SAP130: variants seen among roughly 807,000 people sequenced by gnomAD.
The protein encoded by SAP130 is Sin3A associated protein 130, also known as histone deacetylase complex subunit SAP130.
SAP130 carries 16 observed loss-of-function variants against 103.2 expected under a neutral mutation model. The ratio of observed to expected loss-of-function variants is 0.16; its 90% CI spans 0.10 to 0.24. SAP130 has a LOEUF of 0.24. Ranked by LOEUF, SAP130 falls within the 10% of genes least tolerant of loss-of-function variation. The pLI, the probability that SAP130 is intolerant of heterozygous loss-of-function variation, is 1.00. For synonymous variants in SAP130, 477 were observed against 497.0 expected (o/e 0.96, Z 0.53); for missense variants, 990 against 1,359.7 (o/e 0.73, Z 4.28).
intron 14 of SAP130, among the ~76,000 whole-genome samples, chr2:127,981,882 A>C (rs1681962724): frequency 6.6e-6 from 1 of 151,806 alleles, no homozygotes; most frequent in Admixed American, 6.6e-5. Flanking sequence ...CTGGCCCTAC[A>C]AAACCCTGCT....
intron 7 of SAP130, among the ~76,000 whole-genome samples, chr2:128,003,705 G>C (rs1050143191): frequency 6.8e-6 from 1 of 146,654 alleles, no homozygotes; most frequent in African/African-American, 2.6e-5. Flanking sequence ...AGGTCATTCA[G>C]AAAGTGCTCC....
Position 127,977,995 on chromosome 2 carries a change from T to C in SAP130, c.2053A>G (p.Arg685Gly). ...SSMRSTSGSP[R>G]PAGAKPKSEI... ...CACTTAGGTGCTCACCCTGCAGGCC[T>C]AGGTGACCCAGACGTACTCCGCATA... The change falls in exon 15 of 21, where the codon AGG becomes GGG. Residue 685 changes from arginine (R) to glycine (G), a missense_variant. By Grantham distance (125) the Arg-to-Gly change is moderately radical. Transcript: ENST00000643581. 1 of 1,550,698 alleles carries C rather than the reference T, an allele frequency of 6.4e-7. No homozygotes were observed. Among genetic ancestry groups the C allele is most frequent in the Non-Finnish European group, 8.7e-7 (1 of 1,145,792 alleles).
chr2:128,010,420 T>A, intron 6 of SAP130, 27 bp from the exon 7 acceptor site: 2 of 1,591,434 alleles, frequency 1.3e-6, no homozygotes, highest in Non-Finnish European at 1.7e-6. Context: ...AACAGTTCAT[T>A]TAAAACAAAA....
chr2:127,944,751 C>T (rs1013415801), intron 19 of SAP130, among the ~76,000 whole-genome samples: 3 of 151,926 alleles, frequency 2.0e-5, no homozygotes, highest in African/African-American at 7.3e-5. Context: ...AAAAAATCAG[C>T]TGTGTGCAGT....
In SAP130 at chr2:127,993,298, G is replaced by A; in HGVS notation, c.1366C>T (p.Pro456Ser). The A allele has an allele frequency of 6.2e-7, 1 of 1,612,482 alleles. No individual in the cohort carries two copies. The highest frequency in any genetic ancestry group is 8.5e-7 in the Non-Finnish European group (1 of 1,179,580). ...ETRSDNRPSV[P>S]VQFQYFLPTY... ...GGCAAAAAATATTGGAACTGAACGGGAACAGACGGTCTAGAGACAGAACAG... is the reference window on the plus strand; with the variant it reads ...GGCAAAAAATATTGGAACTGAACGGAAACAGACGGTCTAGAGACAGAACAG... The change falls in exon 12 of 21, where the codon CCC (proline) becomes TCC (serine). Residue 456 changes from proline (P) to serine (S), a missense_variant. This residue lies in a region of SAP130 where 336 missense variants were observed against 520.1 expected (regional missense o/e 0.65). Coordinates refer to ENST00000643581, the MANE Select transcript of SAP130 (RefSeq NM_001330301.2).
rs74720344 is a variant in SAP130 at position 127,947,880 on chromosome 2, C to T, written c.2797+1989G>A. Among the ~76,000 whole-genome samples the T allele has an allele frequency of 6.0e-3, 908 of 152,026 alleles. 19 individuals carry two copies. The highest frequency in any genetic ancestry group is 0.019 in the African/African-American group (786 of 41,454). On this transcript the variant is annotated intron_variant, in intron 18 of 20. Transcript: ENST00000643581. ...CGGCTTACTGCAAACCTCCACTTCCCGGGGATTCATGCAATTCTCCTGCCT... is the reference window on the plus strand; with the variant it reads ...CGGCTTACTGCAAACCTCCACTTCCTGGGGATTCATGCAATTCTCCTGCCT...
At position 128,010,367 on chromosome 2, in the gene SAP130, A is replaced by G. The variant is rs542738248; in HGVS notation, c.771T>C (p.Asn257=). 27 of 1,613,992 alleles carry G rather than the reference A, an allele frequency of 1.7e-5. No homozygotes were observed. The East Asian group carries it at 5.3e-4, about 32-fold the overall frequency. Residue 257 remains asparagine (N), a synonymous_variant, in exon 7 of 21, where the codon AAT becomes AAC. Transcript: ENST00000643581. ...IQSRPPVTTS[N]AIPPAVVATV... is the part of the protein sequence containing the mutation. Reference sequence around the variant, plus strand: ...TTGCTACCACAGCAGGAGGGATGGCATTGGAGGTGGTCACAGGTGGCCGAG... The same window carrying G: ...TTGCTACCACAGCAGGAGGGATGGCGTTGGAGGTGGTCACAGGTGGCCGAG...
intron 10 of SAP130, among the ~76,000 whole-genome samples, chr2:127,997,281 T>C (rs1683240907): frequency 6.6e-6 from 1 of 152,258 alleles, no homozygotes; most frequent in Non-Finnish European, 1.5e-5. Flanking sequence ...CTATTTTTTA[T>C]AGATCTATCT....
intron 7 of SAP130, among the ~76,000 whole-genome samples, chr2:128,000,688 T>C (rs1431295930): frequency 6.6e-6 from 1 of 152,166 alleles, no homozygotes; most frequent in Non-Finnish European, 1.5e-5. Context: ...TCAGAATCCT[T>C]GATGTAGTTA....
rs898852392 is a variant in SAP130 at position 127,989,354 on chromosome 2, C to T, written c.1780+210G>A. Among the ~76,000 whole-genome samples the T allele has an allele frequency of 2.0e-5, 3 of 152,052 alleles. No homozygotes were observed. The highest frequency in any genetic ancestry group is 7.2e-5 in the African/African-American group (3 of 41,390). On this transcript the variant is annotated intron_variant, in intron 13 of 20. Coordinates refer to ENST00000643581, the MANE Select transcript of SAP130 (RefSeq NM_001330301.2). This position sits in a 1 kb window ranked among gnomAD's most constrained non-coding sequence, Gnocchi z 4.6. ...CCTCGTGATCCACCCGCCTCAGCCT[C>T]CCAAAGTGCTGGGATTACAGTGAGG... is the stretch of plus-strand genomic sequence containing the variant.
At chr2:127,972,031 C>T (rs1267118220) in intron 15 of SAP130, among the ~76,000 whole-genome samples, 2 of 152,190 alleles carry the variant, frequency 1.3e-5, no homozygotes, top group Non-Finnish European at 1.5e-5. Context: ...GGGGTTTATT[C>T]TTCCAGCTAG....
intron 15 of SAP130, among the ~76,000 whole-genome samples, chr2:127,971,473 G>T (rs1414260424): frequency 6.6e-6 from 1 of 152,058 alleles, no homozygotes; most frequent in Non-Finnish European, 1.5e-5. Flanking sequence ...GTTTTTAGTA[G>T]AGACGGGGTT....
Position 127,955,565 on chromosome 2 carries a change from C to T in SAP130, c.2064-221G>A, listed in dbSNP as rs1481923017. ...GAAGTGGCGTGATCTTGGCTCACCG[C>T]AACCTCTGTCTTCTGGGCTCGAGGG... On this transcript the variant is annotated intron_variant, in intron 15 of 20. Coordinates refer to ENST00000643581, the MANE Select transcript of SAP130 (RefSeq NM_001330301.2). The surrounding 1 kb of genome is among the most constrained non-coding windows in gnomAD (Gnocchi z 4.9). Among the ~76,000 whole-genome samples, 2 of 152,188 alleles carry T rather than the reference C, an allele frequency of 1.3e-5. No homozygotes were observed. Among genetic ancestry groups the T allele is most frequent in the Non-Finnish European group, 2.9e-5 (2 of 68,034 alleles).
In SAP130 at chr2:127,978,076, T is replaced by C; in HGVS notation, c.1972A>G (p.Lys658Glu). 6.4e-7 allele frequency: 1 copy of C among 1,551,610 alleles called. No individual in the cohort carries two copies. Among genetic ancestry groups the C allele is most frequent in the Non-Finnish European group, 8.7e-7 (1 of 1,146,926 alleles). ...GGAGGCTGAGGAGGAATGAGGGTTT[T>C]CCGAACTGCCATTCTGAAAGAGACA... The part of the protein sequence containing the change: ...KPATDGMAVR[K>E]TLIPPQPPDV... The change falls in exon 15 of 21, where the codon AAA becomes GAA. Residue 658 changes from lysine (K) to glutamate (E), a missense_variant. Lys to Glu is a moderately conservative substitution (Grantham distance 56). Coordinates refer to ENST00000643581, the MANE Select transcript of SAP130 (RefSeq NM_001330301.2).
At chr2:127,995,204 A>G (rs1312001045) in intron 11 of SAP130, among the ~76,000 whole-genome samples, 1 of 152,252 alleles carries the variant, frequency 6.6e-6, no homozygotes, top group African/African-American at 2.4e-5. Flanking sequence ...ATGACAACCC[A>G]TAGCAACAAG....
chr2:127,987,747 A>G (rs1559071675), intron 13 of SAP130, among the ~76,000 whole-genome samples: 1 of 152,160 alleles, frequency 6.6e-6, no homozygotes, highest in Non-Finnish European at 1.5e-5. Context: ...CAAGAAATGT[A>G]CTCATTCAGT....
chr2:127,984,195 C>T (rs919958192), intron 14 of SAP130, among the ~76,000 whole-genome samples: 2 of 151,966 alleles, frequency 1.3e-5, no homozygotes, highest in Non-Finnish European at 2.9e-5. Flanking sequence ...ATTTCAGGAC[C>T]GGTTCTTTTC....
In SAP130 at chr2:127,989,102, CTT is replaced by C. The variant is rs1278062577; in HGVS notation, c.1780+460_1780+461del. 1.2e-4 allele frequency among the ~76,000 whole-genome samples: 17 copies of C among 143,536 alleles called. No homozygotes were observed. The highest frequency in any genetic ancestry group is 1.7e-4 in the Non-Finnish European group (11 of 65,116). The allele number at this position is 143,536 out of a possible 152,430, so 94.2% of individuals were successfully genotyped here. A position where few individuals can be genotyped will look rare whatever the true frequency, so the allele number is the denominator to read the frequency against. On this transcript the variant is annotated intron_variant, in intron 13 of 20. Coordinates refer to ENST00000643581, the MANE Select transcript of SAP130 (RefSeq NM_001330301.2). This position sits in a 1 kb window ranked among gnomAD's most constrained non-coding sequence, Gnocchi z 4.6. Reference sequence around the variant, plus strand: ...CTAGGGCTGTTGATGTATACTGTATCTTTTTTTTTTTTTGGAGACAGAGTCTC... The same window carrying C: ...CTAGGGCTGTTGATGTATACTGTATCTTTTTTTTTTTGGAGACAGAGTCTC...
At chr2:127,987,851 T>C (rs576379778) in intron 13 of SAP130, among the ~76,000 whole-genome samples, 1 of 152,200 alleles carries the variant, frequency 6.6e-6, no homozygotes, top group Non-Finnish European at 1.5e-5. Flanking sequence ...ATTTTAACTA[T>C]ACACTTAAAG....
Sources: gnomAD v4.1 joint callset for allele counts (sites outside exome capture counted in the v4.1 genomes callset) on GRCh38, gnomAD v4.1.1 for gene constraint, gnomAD v4.1.1 regional missense constraint, Gnocchi (gnomAD v3.1) non-coding constraint, MANE v1.5 for transcripts, NCBI Gene and HGNC (gene_info 2026-07-23, HGNC 2026-07-21) for gene names.